Variants in PCNX2 observed in about 807,000 individuals in gnomAD.
PCNX2 encodes the protein pecanex-like protein 2.
PCNX2 carries 168 observed loss-of-function variants against 223.8 expected under a neutral mutation model. That is an observed-to-expected ratio of 0.75 (90% CI 0.66 to 0.85). The LOEUF is 0.85. Ranked by LOEUF, PCNX2 falls within the 40% of genes least tolerant of loss-of-function variation. PCNX2 has a pLI of 0.00. For missense variants in PCNX2, 2,507 were observed against 2,675.5 expected (o/e 0.94, Z 1.39); for synonymous variants, 1,006 against 1,052.6 (o/e 0.96, Z 0.86).
chr1:233,016,574 A>T (rs1324426464), intron 27 of PCNX2, among the ~76,000 whole-genome samples: 2 of 152,182 alleles, frequency 1.3e-5, no homozygotes, highest in Non-Finnish European at 2.9e-5. Context: ...ATGTTCAGTA[A>T]ATCCCCCTGA....
At chr1:233,287,891 T>A (rs1165879633) in intron 1 of PCNX2, among the ~76,000 whole-genome samples, 1 of 152,164 alleles carries the variant, frequency 6.6e-6, no homozygotes, top group Non-Finnish European at 1.5e-5. Flanking sequence ...GAAGGTGAGA[T>A]GATTTCTTTC....
intron 1 of PCNX2, among the ~76,000 whole-genome samples, chr1:233,294,501 T>C (rs1471104497): frequency 6.6e-6 from 1 of 152,194 alleles, no homozygotes; most frequent in Non-Finnish European, 1.5e-5. Flanking sequence ...TTGACGATTT[T>C]TGCTGTAAAA....
In PCNX2 at chr1:233,258,727, T is replaced by C; in HGVS notation, c.1135A>G (p.Thr379Ala). Residue 379 changes from threonine (T) to alanine (A), a missense_variant, in exon 5 of 34, where the codon ACG becomes GCG. Around this residue, in one of 3 missense-constraint regions of PCNX2, gnomAD observed 1,031 missense variants for 1,021.7 expected, o/e 1.01. Coordinates refer to ENST00000258229, the MANE Select transcript of PCNX2 (RefSeq NM_014801.4). ...SLHEPIKIVI[T>A]MSSTPNSMTD... ...ATGGAGTTTGGGGTACTGCTCATCG[T>C]GATAACAATTTTTATGGGCTCATGT... The C allele has an allele frequency of 1.2e-6, 2 of 1,613,868 alleles. No homozygotes were observed. Among genetic ancestry groups the C allele is most frequent in the Non-Finnish European group, 1.7e-6 (2 of 1,179,874 alleles).
intron 6 of PCNX2, 62 bp from the exon 7 acceptor site, chr1:233,252,561 C>G: frequency 6.3e-7 from 1 of 1,584,088 alleles, no homozygotes; most frequent in Non-Finnish European, 8.6e-7. Flanking sequence ...CTTGATAAAG[C>G]ATTAAAAGCA....
At chr1:233,209,253 T>A (rs564135423) in intron 12 of PCNX2, among the ~76,000 whole-genome samples, 1 of 152,218 alleles carries the variant, frequency 6.6e-6, no homozygotes, top group Non-Finnish European at 1.5e-5. Context: ...TTATTTATAC[T>A]ATGTACACAG....
At chr1:232,999,854 A>G (rs1017926154) in intron 30 of PCNX2, among the ~76,000 whole-genome samples, 26 of 152,210 alleles carry the variant, frequency 1.7e-4, no homozygotes, top group African/African-American at 6.3e-4. Context: ...TTCATGGGGA[A>G]ACTGAGAGAG....
At chr1:233,079,116 C>G (rs949082410) in intron 23 of PCNX2, among the ~76,000 whole-genome samples, 3 of 152,166 alleles carry the variant, frequency 2.0e-5, no homozygotes, top group East Asian at 3.9e-4. Context: ...TTGTCTGCCA[C>G]TCAGCCCTGG....
chr1:233,280,129 T>G (rs2103018573), intron 1 of PCNX2, among the ~76,000 whole-genome samples: 1 of 152,280 alleles, frequency 6.6e-6, no homozygotes, highest in South Asian at 2.1e-4. Context: ...TACAGCTGTG[T>G]ACTACTCCAC....
At chr1:233,275,814 G>A (rs1403827207) in intron 1 of PCNX2, among the ~76,000 whole-genome samples, 5 of 151,754 alleles carry the variant, frequency 3.3e-5, no homozygotes, top group Non-Finnish European at 5.9e-5. Flanking sequence ...GGCGGATCAC[G>A]AGGTCAGGAG....
rs12089165 is a variant in PCNX2, at chr1:233,187,118, A to G, written c.3067-7943T>C. On this transcript the variant is annotated intron_variant, in intron 15 of 33. Transcript: ENST00000258229. ...CACAAGCAAGAAGAAACACAGCAAC[A>G]GCTCCCATGCATTCGGCAGCGACTA... 3.9e-3 allele frequency among the ~76,000 whole-genome samples: 599 copies of G among 152,366 alleles called. 2 individuals are homozygous for G. Among genetic ancestry groups the G allele is most frequent in the African/African-American group, 0.013 (561 of 41,580 alleles).
intron 23 of PCNX2, chr1:233,087,010 G>C: frequency 1.0e-6 from 1 of 984,900 alleles, no homozygotes; most frequent in South Asian, 4.7e-5. Flanking sequence ...GCAGACAGGG[G>C]ACACATTTGT....
chr1:233,064,120 T>C (rs1221024326), intron 23 of PCNX2, among the ~76,000 whole-genome samples: 1 of 152,214 alleles, frequency 6.6e-6, no homozygotes, highest in Non-Finnish European at 1.5e-5. Flanking sequence ...TCCTGGTTCT[T>C]GTTCACAGTG....
At chr1:233,185,472 T>TA (rs550022765) in intron 15 of PCNX2, among the ~76,000 whole-genome samples, 27 of 151,018 alleles carry the variant, frequency 1.8e-4, no homozygotes, top group Non-Finnish European at 2.8e-4. Context: ...ACTTTTCATT[T>TA]AAAAAAAAAG....
At chr1:233,235,957 A>AAAATATATATATATATAT (rs369886650) in intron 9 of PCNX2, among the ~76,000 whole-genome samples, 85 of 93,040 alleles carry the variant, frequency 9.1e-4, no homozygotes, top group Middle Eastern at 7.9e-3. Flanking sequence ...CATAAAAAAA[A>AAAATATATATATATATAT]ATATATATAT....
chr1:233,045,073 G>C (rs1671780902), intron 25 of PCNX2, among the ~76,000 whole-genome samples: 1 of 152,188 alleles, frequency 6.6e-6, no homozygotes, highest in Non-Finnish European at 1.5e-5. Context: ...GGCTATCCAA[G>C]ATCTACGTCC....
At chr1:233,186,794 A>T (rs780152881) in intron 15 of PCNX2, among the ~76,000 whole-genome samples, 1 of 152,246 alleles carries the variant, frequency 6.6e-6, no homozygotes, top group Non-Finnish European at 1.5e-5. Flanking sequence ...AGAGATAGGT[A>T]CTGAAGAAAA....
the PCNX2 span, among the ~76,000 whole-genome samples, chr1:233,305,129 G>C: frequency 6.6e-6 from 1 of 151,944 alleles, no homozygotes; most frequent in African/African-American, 2.4e-5. Context: ...AAGGTTCTAG[G>C]GCAACTGACT....
intron 25 of PCNX2, among the ~76,000 whole-genome samples, chr1:233,037,604 C>T (rs777671712): frequency 2.6e-5 from 4 of 152,260 alleles, no homozygotes; most frequent in Non-Finnish European, 5.9e-5. Context: ...GGATTACAGA[C>T]ATGCACCACC....
chr1:233,294,093 C>T (rs1243781600), intron 1 of PCNX2: 3 of 642,472 alleles, frequency 4.7e-6, no homozygotes, highest in Admixed American at 6.3e-5. Context: ...TGATCACATC[C>T]GTTTTAATGA....
Sources: gnomAD v4.1 joint callset for allele counts (sites outside exome capture counted in the v4.1 genomes callset) on GRCh38, gnomAD v4.1.1 for gene constraint, gnomAD v4.1.1 regional missense constraint, MANE v1.5 for transcripts, NCBI Gene and HGNC (gene_info 2026-07-23, HGNC 2026-07-21) for gene names.